The following PPP6R3 variants were observed in gnomAD, a reference collection of about 807,000 sequenced individuals.
PPP6R3 encodes the protein protein phosphatase 6 regulatory subunit 3.
PPP6R3 carries 38 observed loss-of-function variants against 110.7 expected under a neutral mutation model. That is an observed-to-expected ratio of 0.34 (90% confidence interval 0.26 to 0.45). The LOEUF (loss-of-function observed/expected upper bound fraction) is 0.45, where lower values mean the gene tolerates loss of function less well. Ranked by LOEUF, PPP6R3 falls within the 20% of genes least tolerant of loss-of-function variation. PPP6R3 has a pLI of 1.00. For missense variants in PPP6R3, 870 were observed against 1,062.4 expected (o/e 0.82, Z 2.52); for synonymous variants, 369 against 373.5 (o/e 0.99, Z 0.14).
rs1241297408 is a variant in PPP6R3 at position 68,477,050 on chromosome 11, TAATAA to T, written c.-158+16227_-158+16231del. Among the ~76,000 whole-genome samples, 72 of 152,186 alleles carry T rather than the reference TAATAA, an allele frequency of 4.7e-4. 1 individual carries two copies. The highest frequency in any genetic ancestry group is 5.9e-5 in the Non-Finnish European group (4 of 68,004). On this transcript the variant is annotated intron_variant, in intron 1 of 23. Transcript: ENST00000393800. ...TTTCTTTAAAAAAAAAAAAAAGTGT[TAATAA>T]AATGTGGTCTAATGCGATTTTGATT...
At chr11:68,576,375 A>G (rs1362879872) in intron 14 of PPP6R3, among the ~76,000 whole-genome samples, 2 of 152,214 alleles carry the variant, frequency 1.3e-5, no homozygotes, top group African/African-American at 4.8e-5. Flanking sequence ...GTTTGTGGCC[A>G]CATGCCACTG....
intron 2 of PPP6R3, among the ~76,000 whole-genome samples, chr11:68,531,535 G>A (rs893638730): frequency 6.6e-6 from 1 of 151,804 alleles, no homozygotes; most frequent in Non-Finnish European, 1.5e-5. Flanking sequence ...CAAGCGATCT[G>A]CCCATTTTGG....
At position 68,601,994 on chromosome 11, in the gene PPP6R3, A is replaced by T. The variant is rs541096165; in HGVS notation, c.2299+25A>T. Reference sequence around the variant, plus strand: ...GGTGCGTGCAGAGAGGCCTGGGTACACGCCAGGGTCACGTGGCTGCTTTGT... The same window carrying T: ...GGTGCGTGCAGAGAGGCCTGGGTACTCGCCAGGGTCACGTGGCTGCTTTGT... On this transcript the variant is annotated intron_variant, in intron 21 of 23. Coordinates refer to ENST00000393800, the MANE Select transcript of PPP6R3 (RefSeq NM_001164161.2). 17 of 1,551,304 alleles carry T rather than the reference A, an allele frequency of 1.1e-5. No individual in the cohort carries two copies. In the African/African-American group the frequency reaches 2.3e-4, roughly 21 times the overall value.
At chr11:68,607,115 C>T (rs570161249) in intron 22 of PPP6R3, among the ~76,000 whole-genome samples, 8 of 152,146 alleles carry the variant, frequency 5.3e-5, no homozygotes, top group East Asian at 3.8e-4. Flanking sequence ...TAGTGTTTAA[C>T]GCAGTCTCAA....
chr11:68,481,028 T>C (rs1412164882), intron 1 of PPP6R3, among the ~76,000 whole-genome samples: 5 of 152,164 alleles, frequency 3.3e-5, no homozygotes, highest in African/African-American at 1.2e-4. Context: ...AAAAACAATC[T>C]GGAAAAAGGG....
chr11:68,590,280 A>G (rs914301305), intron 16 of PPP6R3, among the ~76,000 whole-genome samples: 2 of 152,226 alleles, frequency 1.3e-5, no homozygotes, highest in African/African-American at 4.8e-5. Flanking sequence ...AGAAAACTCA[A>G]GTGTCTGACA....
intron 1 of PPP6R3, among the ~76,000 whole-genome samples, chr11:68,518,555 G>A (rs970685528): frequency 6.6e-6 from 1 of 152,278 alleles, no homozygotes; most frequent in African/African-American, 2.4e-5. Flanking sequence ...CACATGGTCT[G>A]TTCTCATTTT....
intron 1 of PPP6R3, among the ~76,000 whole-genome samples, chr11:68,466,433 CTTTTTTTTTT>C (rs906791744): frequency 1.6e-5 from 2 of 125,398 alleles, no homozygotes; most frequent in South Asian, 2.6e-4. Context: ...AGGACATTTT[CTTTTTTTTTT>C]TTTTTTTTTT....
In PPP6R3 at chr11:68,609,512, G is replaced by A. The variant is rs549315899; in HGVS notation, c.2451-392G>A. The A allele has an allele frequency of 2.7e-5, 36 of 1,324,346 alleles. No individual in the cohort carries two copies. In the Middle Eastern group the frequency reaches 5.4e-4, roughly 20 times the overall value. The allele number at this position is 1,324,346 out of a possible 1,614,324, so 82.0% of individuals were successfully genotyped here. ...TCACCGAGTCTGCAGTTTTGCTTAC[G>A]TGCAGTCGTGGACATATTATTCCCC... On this transcript the variant is annotated intron_variant, in intron 22 of 23. Transcript: ENST00000393800.
intron 12 of PPP6R3, 124 bp downstream of exon 12, chr11:68,571,228 A>G: frequency 8.0e-7 from 1 of 1,256,312 alleles, no homozygotes. Context: ...TTACAATTTA[A>G]ACTTTTCCCC....
chr11:68,607,543 G>A (rs1940856146), intron 22 of PPP6R3, among the ~76,000 whole-genome samples: 1 of 152,250 alleles, frequency 6.6e-6, no homozygotes, highest in Admixed American at 6.5e-5. Flanking sequence ...AACCCTATAA[G>A]ATAGGTACTG....
intron 18 of PPP6R3, among the ~76,000 whole-genome samples, chr11:68,594,018 G>C (rs1385416960): frequency 6.6e-6 from 1 of 151,990 alleles, no homozygotes. Context: ...CTGCCTATGG[G>C]AAATGATTTA....
intron 3 of PPP6R3, among the ~76,000 whole-genome samples, chr11:68,540,583 C>T (rs2099309365): frequency 6.6e-6 from 1 of 152,074 alleles, no homozygotes; most frequent in Non-Finnish European, 1.5e-5. Context: ...ACCCGTCTGA[C>T]CAAAATTTGT....
chr11:68,562,733 T>G (rs1400496869), intron 8 of PPP6R3, among the ~76,000 whole-genome samples: 3 of 152,158 alleles, frequency 2.0e-5, no homozygotes, highest in Non-Finnish European at 4.4e-5. Context: ...TTGATATATA[T>G]TTTGCAGATT....
chr11:68,522,819 C>T (rs1273011262), intron 2 of PPP6R3: 1 of 152,202 alleles, frequency 6.6e-6, no homozygotes, highest in Non-Finnish European at 1.5e-5. Flanking sequence ...TGTCTTTTCT[C>T]AACTTCTTTG....
intron 14 of PPP6R3, among the ~76,000 whole-genome samples, chr11:68,577,869 G>A (rs2099538079): frequency 6.6e-6 from 1 of 152,166 alleles, no homozygotes; most frequent in South Asian, 2.1e-4. Context: ...ATAATCTAAA[G>A]TCAAACAAAA....
intron 1 of PPP6R3, among the ~76,000 whole-genome samples, chr11:68,469,577 C>T (rs572647368): frequency 4.4e-4 from 66 of 151,502 alleles, no homozygotes; most frequent in Non-Finnish European, 7.1e-4. Context: ...CAAGATCTTC[C>T]GATGTTGCCC....
chr11:68,575,040 T>C (rs759243907), intron 13 of PPP6R3, among the ~76,000 whole-genome samples: 1 of 152,266 alleles, frequency 6.6e-6, no homozygotes, highest in Non-Finnish European at 1.5e-5. Flanking sequence ...GAAAAAGTGG[T>C]GTGTGCCCAC....
At chr11:68,534,749 T>C (rs555583989) in intron 2 of PPP6R3, among the ~76,000 whole-genome samples, 6 of 152,176 alleles carry the variant, frequency 3.9e-5, no homozygotes, top group African/African-American at 1.4e-4. Flanking sequence ...TGGGGAAGAG[T>C]AGTAAAAATA....
Sources: allele counts gnomAD v4.1 joint callset (sites outside exome capture counted in the v4.1 genomes callset), GRCh38; gene constraint gnomAD v4.1.1; transcripts MANE v1.5; gene names NCBI Gene and HGNC (gene_info 2026-07-23, HGNC 2026-07-21).